The following LPO variants were observed in gnomAD, a reference collection of about 807,000 sequenced individuals.
LPO encodes the protein lactoperoxidase, also known as salivary peroxidase.
LPO carries 70 observed loss-of-function variants against 68.4 expected under a neutral mutation model. That is an observed-to-expected ratio of 1.02 (90% confidence interval 0.84 to 1.25). The LOEUF (loss-of-function observed/expected upper bound fraction) is 1.25, where lower values mean the gene tolerates loss of function less well. Among genes scored for constraint, LPO ranks in the 50% most tolerant of loss-of-function variants. The pLI, the probability that LPO is intolerant of heterozygous loss-of-function variation, is 0.00. For synonymous variants in LPO, 360 were observed against 357.6 expected (o/e 1.01, Z -0.08); for missense variants, 873 against 908.4 (o/e 0.96, Z 0.50).
intron 3 of LPO, among the ~76,000 whole-genome samples, chr17:58,246,938 A>C (rs1969861809): frequency 6.6e-6 from 1 of 152,216 alleles, no homozygotes; most frequent in Non-Finnish European, 1.5e-5. Flanking sequence ...ACTGAGTACA[A>C]AGAGCTTAAG....
At chr17:58,249,796 G>T in intron 6 of LPO, 101 bp downstream of exon 6, 7 of 1,406,858 alleles carry the variant, frequency 5.0e-6, no homozygotes, top group Non-Finnish European at 6.5e-6. Flanking sequence ...GGTGGGGGCA[G>T]CAGGGGTGCG....
rs745968529 is a variant in LPO, at chr17:58,267,523, G to A, written c.1868G>A (p.Arg623Gln). 1.2e-5 allele frequency: 20 copies of A among 1,614,036 alleles called. No individual in the cohort carries two copies. The highest frequency in any genetic ancestry group is 1.0e-4 in the Admixed American group (6 of 60,004). The change falls in exon 12 of 13, where the codon CGG becomes CAG. Residue 623 changes from arginine to glutamine, a missense_variant. Transcript: ENST00000262290. The stretch of plus-strand genomic sequence containing the variant: ...GCTGAGCCGCTGGTGGAAAGGGGTC[G>A]GGTGGGGCCTCTCCTGGCCTGCCTC... ...AIAEPLVERGRVGPLLACLLG... is the reference protein window; with the variant it reads ...AIAEPLVERGQVGPLLACLLG...
At chr17:58,261,311 T>C (rs910833446) in intron 9 of LPO, among the ~76,000 whole-genome samples, 5 of 152,250 alleles carry the variant, frequency 3.3e-5, no homozygotes, top group African/African-American at 1.2e-4. Flanking sequence ...AAAGTTCTGT[T>C]GTTTGATCCA....
intron 8 of LPO, among the ~76,000 whole-genome samples, chr17:58,252,744 C>A (rs1969985574): frequency 6.6e-6 from 1 of 151,934 alleles, no homozygotes; most frequent in Non-Finnish European, 1.5e-5. Context: ...AAAGAAAGTG[C>A]CAGGCTTGGT....
chr17:58,267,647 A>G (rs1598035993), intron 12 of LPO, 61 bp downstream of exon 12: 1 of 1,510,040 alleles, frequency 6.6e-7, no homozygotes, highest in African/African-American at 1.4e-5. Context: ...GGGTGTCCCA[A>G]GGTCCTGCGT....
chr17:58,249,913 C>A (rs1298469443), intron 6 of LPO, among the ~76,000 whole-genome samples: 1 of 152,340 alleles, frequency 6.6e-6, no homozygotes, highest in East Asian at 1.9e-4. Context: ...AGGCCAGATA[C>A]CCTGGGGTCT....
chr17:58,266,440 A>C, intron 11 of LPO, 114 bp downstream of exon 11: 1 of 1,239,400 alleles, frequency 8.1e-7, no homozygotes, highest in Non-Finnish European at 1.1e-6. Context: ...TTCTGAAACA[A>C]AAGTCAGGCC....
chr17:58,261,009 T>C (rs1970165269), intron 9 of LPO, among the ~76,000 whole-genome samples: 1 of 152,222 alleles, frequency 6.6e-6, no homozygotes. Flanking sequence ...ATGATTTCAA[T>C]TTTAAATTTG....
chr17:58,262,021 T>C (rs147573249), intron 9 of LPO, among the ~76,000 whole-genome samples: 7 of 152,342 alleles, frequency 4.6e-5, no homozygotes, highest in Middle Eastern at 3.4e-3. Context: ...CATCAGATGG[T>C]GCTTCAACCA....
chr17:58,245,101 C>T (rs940717336), intron 3 of LPO, among the ~76,000 whole-genome samples: 6 of 152,202 alleles, frequency 3.9e-5, no homozygotes, highest in South Asian at 2.1e-4. Context: ...ACGCTCTGGA[C>T]GCTTCTAGTC....
chr17:58,263,007 GGTTT>G, intron 9 of LPO, among the ~76,000 whole-genome samples: 1 of 152,074 alleles, frequency 6.6e-6, no homozygotes, highest in East Asian at 1.9e-4. Flanking sequence ...CAGAGGCTCT[GGTTT>G]GTTTGAGCAA....
rs1470681716 is a variant in LPO at position 58,261,121 on chromosome 17, T to C, written c.1267-3601T>C. On this transcript the variant is annotated intron_variant, in intron 9 of 12. Transcript: ENST00000262290. The stretch of plus-strand genomic sequence containing the variant: ...TGCTGTTGTTGAATGCAATGTTCTG[T>C]AAATGTCAGTTGGATCTGTTGGTTG... 2.0e-5 allele frequency among the ~76,000 whole-genome samples: 3 copies of C among 152,364 alleles called. No individual in the cohort carries two copies. In the East Asian group the frequency reaches 5.8e-4, roughly 29 times the overall value.
chr17:58,247,676 G>A (rs1450986010), intron 4 of LPO, 38 bp downstream of exon 4: 1 of 1,601,470 alleles, frequency 6.2e-7, no homozygotes, highest in East Asian at 2.2e-5. Flanking sequence ...GCAGGAAGGG[G>A]TCATCTCCCC....
chr17:58,262,056 A>G (rs971540271), intron 9 of LPO, among the ~76,000 whole-genome samples: 20 of 152,236 alleles, frequency 1.3e-4, no homozygotes, highest in Non-Finnish European at 2.6e-4. Context: ...AAAATTCATG[A>G]GGTGGAAAAG....
At chr17:58,240,433 A>G (rs1326854862) in intron 1 of LPO, among the ~76,000 whole-genome samples, 6 of 152,174 alleles carry the variant, frequency 3.9e-5, no homozygotes, top group Non-Finnish European at 7.3e-5. Flanking sequence ...GGCCTCTTAC[A>G]CTCTAAAGCC....
At chr17:58,247,158 T>G (rs1969865267) in intron 3 of LPO, among the ~76,000 whole-genome samples, 1 of 152,192 alleles carries the variant, frequency 6.6e-6, no homozygotes, top group Non-Finnish European at 1.5e-5. Context: ...TAAGCCCACT[T>G]TAGGCTAGCA....
At chr17:58,242,068 A>C (rs1418214075) in intron 1 of LPO, among the ~76,000 whole-genome samples, 3 of 152,140 alleles carry the variant, frequency 2.0e-5, no homozygotes, top group African/African-American at 4.8e-5. Context: ...GTGAAAGCTG[A>C]GGAGCCTCTC....
At chr17:58,243,962 C>T (rs761316334) in intron 2 of LPO, 32 bp from the exon 3 acceptor site, 52 of 1,460,838 alleles carry the variant, frequency 3.6e-5, no homozygotes, top group Non-Finnish European at 4.8e-5. Flanking sequence ...GTGTCTGACA[C>T]CCTACTTCCT....
chr17:58,266,315 A>G lies in LPO; in HGVS notation c.1682A>G (p.His561Arg), dbSNP rs746820440. The stretch of plus-strand genomic sequence containing the variant: ...ATCAACACACAGCGTTGCCGGGACC[A>G]TGGGCAACCTGGTGAGTGTCTGAAG... ...AAINTQRCRD[H>R]GQPGYNSWRA... The change falls in exon 11 of 13, where the codon CAT becomes CGT. Residue 561 changes from histidine (H) to arginine (R), a missense_variant. Transcript: ENST00000262290. 7 of 1,614,034 alleles carry G rather than the reference A, an allele frequency of 4.3e-6. No individual in the cohort carries two copies. Among genetic ancestry groups the G allele is most frequent in the Admixed American group, 1.7e-5 (1 of 60,012 alleles).
Sources: gnomAD v4.1 joint callset for allele counts (sites outside exome capture counted in the v4.1 genomes callset) on GRCh38, gnomAD v4.1.1 for gene constraint, MANE v1.5 for transcripts, NCBI Gene and HGNC (gene_info 2026-07-23, HGNC 2026-07-21) for gene names.